GRID2: variants seen among roughly 807,000 people sequenced by gnomAD.
The protein encoded by GRID2 is glutamate receptor ionotropic, delta-2.
A neutral mutation model predicts 114.8 loss-of-function variants in GRID2; 33 were observed. That is an observed-to-expected ratio of 0.29 (90% CI 0.22 to 0.38). The LOEUF is 0.38. Among genes scored for constraint, GRID2 ranks in the 10% least tolerant of loss-of-function variants. The probability of loss-of-function intolerance (pLI) is 1.00; values close to 1 mark genes in which losing one functional copy is unlikely to be tolerated. For missense variants in GRID2, 1,184 were observed against 1,257.7 expected (o/e 0.94, Z 0.89); for synonymous variants, 505 against 449.9 (o/e 1.12, Z -1.55).
At chr4:93,323,938 A>T (rs879763960) in intron 8 of GRID2, among the ~76,000 whole-genome samples, 8 of 152,278 alleles carry the variant, frequency 5.3e-5, no homozygotes, top group Non-Finnish European at 1.2e-4. Flanking sequence ...CAGCTTAAGG[A>T]GATTTTGGGC....
chr4:92,494,518 A>T (rs1380844571), intron 1 of GRID2, among the ~76,000 whole-genome samples: 2 of 152,026 alleles, frequency 1.3e-5, no homozygotes, highest in Non-Finnish European at 1.5e-5. Context: ...ATTACAAAAA[A>T]CTTCTGCATG....
rs556358727 is a variant in GRID2 at position 93,734,534 on chromosome 4, A to G, written c.2361-34676A>G. On this transcript the variant is annotated intron_variant, in intron 14 of 15. Transcript: ENST00000282020. ...ATCCATCTTTCCCAACATAAAATTA[A>G]ATTAAAAATAAAATGAGTGTCTGTT... 2.0e-5 allele frequency among the ~76,000 whole-genome samples: 3 copies of G among 152,116 alleles called. No individual in the cohort carries two copies. In the South Asian group the frequency reaches 6.2e-4, roughly 31 times the overall value.
chr4:92,553,273 A>T lies in GRID2; in HGVS notation c.89-36858A>T, dbSNP rs1421187492. On this transcript the variant is annotated intron_variant, in intron 1 of 15. Coordinates refer to ENST00000282020, the MANE Select transcript of GRID2 (RefSeq NM_001510.4). ...CACATCATATAATTCTTTATATGAA[A>T]TTTTTATAATGTGTTTTGAATTTTT... is the stretch of plus-strand genomic sequence containing the variant. Among the ~76,000 whole-genome samples the T allele has an allele frequency of 4.6e-5, 7 of 151,898 alleles. No homozygotes were observed. In the East Asian group the frequency reaches 1.4e-3, roughly 29 times the overall value.
intron 8 of GRID2, among the ~76,000 whole-genome samples, chr4:93,371,337 G>A (rs1183048536): frequency 6.6e-6 from 1 of 151,944 alleles, no homozygotes; most frequent in African/African-American, 2.4e-5. Flanking sequence ...CCCATGTTTA[G>A]CCATTACTGT....
At chr4:92,382,155 T>G (rs1729649612) in intron 1 of GRID2, among the ~76,000 whole-genome samples, 1 of 151,876 alleles carries the variant, frequency 6.6e-6, no homozygotes, top group Admixed American at 6.6e-5. Context: ...TTAGTAAAAT[T>G]TTTATTACAT....
At chr4:93,783,156 C>T (rs1362200900) in intron 1 of GRID2, among the ~76,000 whole-genome samples, 1 of 152,200 alleles carries the variant, frequency 6.6e-6, no homozygotes, top group African/African-American at 2.4e-5. Flanking sequence ...TGTTTGTCCT[C>T]GTGGGAGGGA....
chr4:93,708,466 T>G (rs1305873396), intron 14 of GRID2, among the ~76,000 whole-genome samples: 2 of 152,058 alleles, frequency 1.3e-5, no homozygotes, highest in African/African-American at 4.8e-5. Flanking sequence ...ATTTATTTTG[T>G]CTGATAAAAA....
intron 1 of GRID2, among the ~76,000 whole-genome samples, chr4:92,362,730 C>G (rs1256533678): frequency 6.6e-6 from 1 of 151,724 alleles, no homozygotes. Flanking sequence ...TAAATCAAAA[C>G]AAGAAAAGAT....
chr4:93,339,265 A>G (rs986730686), intron 8 of GRID2, among the ~76,000 whole-genome samples: 1 of 152,214 alleles, frequency 6.6e-6, no homozygotes, highest in Non-Finnish European at 1.5e-5. Context: ...CTTTATTTGG[A>G]AATAGTGTCC....
intron 2 of GRID2, among the ~76,000 whole-genome samples, chr4:92,846,038 T>C (rs1002748288): frequency 2.0e-5 from 3 of 152,142 alleles, no homozygotes; most frequent in African/African-American, 4.8e-5. Flanking sequence ...CTATCTCTTC[T>C]TAAACTGTTA....
intron 11 of GRID2, among the ~76,000 whole-genome samples, chr4:93,467,935 G>GT (rs1445699342): frequency 6.6e-6 from 1 of 152,138 alleles, no homozygotes; most frequent in African/African-American, 2.4e-5. Context: ...ATCATAACAT[G>GT]TTTTGAAATA....
intron 1 of GRID2, among the ~76,000 whole-genome samples, chr4:92,489,793 C>T (rs1037321071): frequency 6.6e-6 from 1 of 150,814 alleles, no homozygotes; most frequent in African/African-American, 2.4e-5. Flanking sequence ...TTGCAGTGAG[C>T]CAAGATTGTG....
chr4:92,672,811 T>C (rs1029217969), intron 2 of GRID2, among the ~76,000 whole-genome samples: 3 of 152,180 alleles, frequency 2.0e-5, no homozygotes, highest in Non-Finnish European at 4.4e-5. Context: ...ATTTATTGTT[T>C]CTTTGTGGCA....
intron 8 of GRID2, among the ~76,000 whole-genome samples, chr4:93,370,396 CACAA>C (rs1304007772): frequency 6.0e-5 from 9 of 151,156 alleles, no homozygotes; most frequent in Non-Finnish European, 1.2e-4. Flanking sequence ...CACAAACACA[CACAA>C]ACACACACAC....
chr4:93,261,248 A>G (rs1405505402), intron 8 of GRID2, among the ~76,000 whole-genome samples: 3 of 151,934 alleles, frequency 2.0e-5, no homozygotes, highest in Non-Finnish European at 2.9e-5. Flanking sequence ...AACAAGCAGT[A>G]TCTGTAGTTC....
chr4:92,520,259 TA>T (rs1724698974), intron 1 of GRID2, among the ~76,000 whole-genome samples: 1 of 151,856 alleles, frequency 6.6e-6, no homozygotes, highest in Admixed American at 6.6e-5. Context: ...CAGGATAATG[TA>T]ATATTAATAA....
At chr4:93,549,409 A>G (rs948339274) in intron 13 of GRID2, among the ~76,000 whole-genome samples, 4 of 152,200 alleles carry the variant, frequency 2.6e-5, no homozygotes, top group Admixed American at 6.5e-5. Context: ...AGAATCACCT[A>G]TTGTCAGTGG....
intron 1 of GRID2, among the ~76,000 whole-genome samples, chr4:92,316,582 G>A (rs1383225064): frequency 6.6e-6 from 1 of 151,992 alleles, no homozygotes; most frequent in African/African-American, 2.4e-5. Context: ...ACAGATCATT[G>A]AAACAAGACA....
At chr4:93,109,287 T>A (rs953316204) in intron 3 of GRID2, among the ~76,000 whole-genome samples, 1 of 152,212 alleles carries the variant, frequency 6.6e-6, no homozygotes, top group South Asian at 2.1e-4. Flanking sequence ...TAATTAATGA[T>A]AAGAAATGTA....
Sources: allele counts gnomAD v4.1 joint callset (sites outside exome capture counted in the v4.1 genomes callset), GRCh38; gene constraint gnomAD v4.1.1; transcripts MANE v1.5; gene names NCBI Gene and HGNC (gene_info 2026-07-23, HGNC 2026-07-21).